PDE4B: variants seen among roughly 807,000 people sequenced by gnomAD.
PDE4B encodes phosphodiesterase 4B, also known as 3',5'-cyclic-AMP phosphodiesterase 4B.
In PDE4B, 20 loss-of-function variants were observed where a neutral mutation model predicts 82.2. The ratio of observed to expected loss-of-function variants is 0.24; its 90% CI spans 0.17 to 0.35. PDE4B has a LOEUF of 0.35. Ranked by LOEUF, PDE4B falls within the 10% of genes least tolerant of loss-of-function variation. The probability of loss-of-function intolerance (pLI) is 1.00; values close to 1 mark genes in which losing one functional copy is unlikely to be tolerated. For missense variants in PDE4B, 655 were observed against 907.2 expected (o/e 0.72, Z 3.57); for synonymous variants, 320 against 318.9 (o/e 1.00, Z -0.04).
intron 6 of PDE4B, among the ~76,000 whole-genome samples, chr1:66,259,802 C>T (rs571294629): frequency 1.3e-5 from 2 of 152,140 alleles, no homozygotes; most frequent in African/African-American, 4.8e-5. Flanking sequence ...GGAAAGACCA[C>T]CAATTATTTA....
intron 3 of PDE4B, among the ~76,000 whole-genome samples, chr1:66,205,414 A>G (rs1649467693): frequency 6.6e-6 from 1 of 152,166 alleles, no homozygotes; most frequent in Non-Finnish European, 1.5e-5. Flanking sequence ...CTTTGAGCTT[A>G]TGTATTCTTT....
chr1:65,972,885 T>A (rs903540231), intron 3 of PDE4B, among the ~76,000 whole-genome samples: 1 of 152,196 alleles, frequency 6.6e-6, no homozygotes, highest in African/African-American at 2.4e-5. Context: ...AATGCTACAT[T>A]GGGCCATGCA....
At position 66,056,475 on chromosome 1, in the gene PDE4B, A is replaced by G. The variant is rs560470253; in HGVS notation, c.281+137640A>G. Reference sequence around the variant, plus strand: ...AAGCAAGGAAATTTTATATCTATCTATCTATCTATCATCTATCTATCTATC... The same window carrying G: ...AAGCAAGGAAATTTTATATCTATCTGTCTATCTATCATCTATCTATCTATC... On this transcript the variant is annotated intron_variant, in intron 3 of 16. Coordinates refer to ENST00000341517, the MANE Select transcript of PDE4B (RefSeq NM_002600.4). Among the ~76,000 whole-genome samples the G allele has an allele frequency of 1.8e-3, 261 of 145,514 alleles. 1 individual carries two copies. The highest frequency in any genetic ancestry group is 6.5e-3 in the African/African-American group (252 of 38,850).
In PDE4B at chr1:66,185,111, A is replaced by G. The variant is rs1293395975; in HGVS notation, c.282-62349A>G. On this transcript the variant is annotated intron_variant, in intron 3 of 16. Coordinates refer to ENST00000341517, the MANE Select transcript of PDE4B (RefSeq NM_002600.4). ...GGTGTTTGGTTTTTTTGTCCTTGCG[A>G]TAGTTTGCTGAGAATGATGGTTTCC... Among the ~76,000 whole-genome samples the G allele has an allele frequency of 2.0e-5, 3 of 151,930 alleles. No homozygotes were observed. In the East Asian group the frequency reaches 5.8e-4, roughly 29 times the overall value.
In PDE4B at chr1:65,906,790, G is replaced by A. The variant is rs559259016; in HGVS notation, c.-70-6455G>A. ...TAATTTACAAAGAATGTATTTTATA[G>A]TAGAAATTGGTTTAAGTGGTTGTTC... On this transcript the variant is annotated intron_variant, in intron 1 of 16. Coordinates refer to ENST00000341517, the MANE Select transcript of PDE4B (RefSeq NM_002600.4). Among the ~76,000 whole-genome samples the A allele has an allele frequency of 9.9e-5, 15 of 152,234 alleles. No homozygotes were observed. The South Asian group carries it at 3.1e-3, about 32-fold the overall frequency.
rs138422097 is a variant in PDE4B, at chr1:66,209,386, C to T, written c.282-38074C>T. On this transcript the variant is annotated intron_variant, in intron 3 of 16. Transcript: ENST00000341517. ...ATCTGCAGTAATTTTCCCAGGGTTA[C>T]GTAGCTCCTAACTGGATGTAGTGTC... 8.4e-3 allele frequency among the ~76,000 whole-genome samples: 1,279 copies of T among 152,228 alleles called. 25 individuals carry two copies. The highest frequency in any genetic ancestry group is 0.029 in the African/African-American group (1,198 of 41,520).
Position 65,820,950 on chromosome 1 carries a change from C to T in PDE4B, c.-71+27702C>T, listed in dbSNP as rs141018270. Among the ~76,000 whole-genome samples the T allele has an allele frequency of 4.3e-3, 658 of 152,320 alleles. 2 individuals are homozygous for T. The highest frequency in any genetic ancestry group is 0.02 in the Middle Eastern group (6 of 294). On this transcript the variant is annotated intron_variant, in intron 1 of 16. Coordinates refer to ENST00000341517, the MANE Select transcript of PDE4B (RefSeq NM_002600.4). ...TCTCTGTAAGGTAAGTCAGGCTTAACAGTGCTGCATGGTGGGCCCCAGCCC... is the reference window on the plus strand; with the variant it reads ...TCTCTGTAAGGTAAGTCAGGCTTAATAGTGCTGCATGGTGGGCCCCAGCCC...
At chr1:66,189,365 G>A (rs572533298) in intron 3 of PDE4B, among the ~76,000 whole-genome samples, 11 of 152,028 alleles carry the variant, frequency 7.2e-5, no homozygotes, top group Admixed American at 7.2e-4. Flanking sequence ...ATTTCCTGAA[G>A]TTGAATGTTG....
intron 3 of PDE4B, among the ~76,000 whole-genome samples, chr1:66,137,752 T>A (rs1646087596): frequency 6.6e-6 from 1 of 152,180 alleles, no homozygotes; most frequent in Admixed American, 6.5e-5. Flanking sequence ...AATAGAAAAT[T>A]GCAAAAGGAG....
intron 3 of PDE4B, among the ~76,000 whole-genome samples, chr1:66,018,674 G>A (rs1277971685): frequency 1.3e-5 from 2 of 152,120 alleles, no homozygotes; most frequent in Non-Finnish European, 2.9e-5. Flanking sequence ...TTAAGGGTAG[G>A]ATTTGGAAAC....
At chr1:66,109,240 G>GT (rs1260410033) in intron 3 of PDE4B, among the ~76,000 whole-genome samples, 1 of 151,886 alleles carries the variant, frequency 6.6e-6, no homozygotes, top group Non-Finnish European at 1.5e-5. Context: ...CAAATTATAA[G>GT]TAAGAATACA....
chr1:66,004,780 T>C (rs1327256542), intron 3 of PDE4B, among the ~76,000 whole-genome samples: 2 of 152,110 alleles, frequency 1.3e-5, no homozygotes, highest in African/African-American at 4.8e-5. Flanking sequence ...GGGATCTAGA[T>C]TGACAGAATC....
chr1:66,341,693 CCT>C (rs1250806246), intron 8 of PDE4B, among the ~76,000 whole-genome samples: 1 of 152,106 alleles, frequency 6.6e-6, no homozygotes, highest in Non-Finnish European at 1.5e-5. Context: ...TTCTTTCTTT[CCT>C]CTCTCTGAAA....
intron 3 of PDE4B, among the ~76,000 whole-genome samples, chr1:65,954,546 A>G (rs959744516): frequency 4.6e-5 from 7 of 152,270 alleles, no homozygotes; most frequent in African/African-American, 1.4e-4. Context: ...ATTACCAAGT[A>G]TTTAACTTAA....
chr1:66,293,756 C>A (rs1657284746), intron 7 of PDE4B, among the ~76,000 whole-genome samples: 1 of 152,196 alleles, frequency 6.6e-6, no homozygotes, highest in South Asian at 2.1e-4. Flanking sequence ...AAAATCTTCT[C>A]AGCCAATAGA....
chr1:66,186,378 A>T (rs916768167), intron 3 of PDE4B, among the ~76,000 whole-genome samples: 2 of 152,174 alleles, frequency 1.3e-5, no homozygotes, highest in African/African-American at 4.8e-5. Context: ...GAAGAAAGTC[A>T]TTGGTAACTT....
intron 6 of PDE4B, among the ~76,000 whole-genome samples, chr1:66,263,609 C>T (rs2101722992): frequency 6.6e-6 from 1 of 152,262 alleles, no homozygotes; most frequent in East Asian, 1.9e-4. Flanking sequence ...ATCCTGCCAT[C>T]AACAGGTCAC....
chr1:66,124,195 T>C (rs1435217008), intron 3 of PDE4B, among the ~76,000 whole-genome samples: 1 of 152,214 alleles, frequency 6.6e-6, no homozygotes, highest in Non-Finnish European at 1.5e-5. Flanking sequence ...TGCATAAATG[T>C]ACTTCCAGGG....
chr1:66,258,189 A>G (rs888179365), intron 6 of PDE4B, among the ~76,000 whole-genome samples: 1 of 152,228 alleles, frequency 6.6e-6, no homozygotes, highest in South Asian at 2.1e-4. Context: ...CATAAATTCT[A>G]TTAAAATTCT....
Sources: allele counts gnomAD v4.1 joint callset (sites outside exome capture counted in the v4.1 genomes callset), GRCh38; gene constraint gnomAD v4.1.1; transcripts MANE v1.5; gene names NCBI Gene and HGNC (gene_info 2026-07-23, HGNC 2026-07-21).